GRM5: variants seen among roughly 807,000 people sequenced by gnomAD.
GRM5 encodes glutamate metabotropic receptor 5, also known as metabotropic glutamate receptor 5.
A neutral mutation model predicts 83.1 loss-of-function variants in GRM5; 19 were observed. The observed-to-expected ratio is 0.23, with a 90% CI of 0.16 to 0.34. GRM5 has a LOEUF of 0.34. GRM5 is among the 10% of genes least tolerant of loss of function. The pLI is 1.00. For synonymous variants in GRM5, 675 were observed against 633.6 expected (o/e 1.07, Z -0.98); for missense variants, 1,160 against 1,588.3 (o/e 0.73, Z 4.58).
intron 3 of GRM5, among the ~76,000 whole-genome samples, chr11:88,746,594 C>T (rs1411317246): frequency 6.6e-6 from 1 of 151,776 alleles, no homozygotes; most frequent in Non-Finnish European, 1.5e-5. Flanking sequence ...TAAGCTTAAG[C>T]CAACATCTTT....
At chr11:88,705,419 T>A (rs1941132187) in intron 3 of GRM5, among the ~76,000 whole-genome samples, 2 of 152,092 alleles carry the variant, frequency 1.3e-5, no homozygotes, top group Non-Finnish European at 2.9e-5. Flanking sequence ...CAGTCACCTC[T>A]AAATGTATCT....
rs570250569 is a variant in GRM5, at chr11:88,745,254, G to A, written c.912-91851C>T. ...TCTGTTCTATCACCCAGGCTGGAGTGCAGTGGTACAATCACAGCTCACTGC... is the reference window on the plus strand; with the variant it reads ...TCTGTTCTATCACCCAGGCTGGAGTACAGTGGTACAATCACAGCTCACTGC... On this transcript the variant is annotated intron_variant, in intron 3 of 9. Transcript: ENST00000305447. Among the ~76,000 whole-genome samples the A allele has an allele frequency of 6.9e-5, 10 of 145,484 alleles. No homozygotes were observed. The East Asian group carries it at 2.0e-3, about 30-fold the overall frequency.
chr11:88,525,083 C>T (rs1941833377), intron 9 of GRM5, among the ~76,000 whole-genome samples: 1 of 152,192 alleles, frequency 6.6e-6, no homozygotes. Context: ...GCAAAGCGCA[C>T]AACCCTGGGA....
rs571103211 is a variant in GRM5, at chr11:88,978,687, T to C, written c.661+68525A>G. Among the ~76,000 whole-genome samples, 6 of 151,982 alleles carry C rather than the reference T, an allele frequency of 3.9e-5. No individual in the cohort carries two copies. The East Asian group carries it at 7.7e-4, about 20-fold the overall frequency. On this transcript the variant is annotated intron_variant, in intron 2 of 9. Coordinates refer to ENST00000305447, the MANE Select transcript of GRM5 (RefSeq NM_001143831.3). ...AAATGTTGAAAATATAAAATGTTGA[T>C]GTTGGAGAGAAAAAAAAAAGCAGCT...
At chr11:89,043,006 C>A (rs1468226554) in intron 2 of GRM5, among the ~76,000 whole-genome samples, 1 of 152,078 alleles carries the variant, frequency 6.6e-6, no homozygotes, top group African/African-American at 2.4e-5. Flanking sequence ...ATTCAAGAAC[C>A]AGTGAAAACA....
chr11:88,714,577 T>C (rs191867431), intron 3 of GRM5, among the ~76,000 whole-genome samples: 1 of 152,084 alleles, frequency 6.6e-6, no homozygotes, highest in African/African-American at 2.4e-5. Flanking sequence ...CTATAATCTC[T>C]TCTTTGAGAT....
At chr11:88,612,430 A>C (rs1180279761) in intron 4 of GRM5, among the ~76,000 whole-genome samples, 1 of 151,790 alleles carries the variant, frequency 6.6e-6, no homozygotes. Context: ...ATAAACATAC[A>C]TGTGCATGTG....
rs1489819817 is a variant in GRM5, at chr11:89,065,960, A to G, written c.-385T>C. 1 of 152,068 alleles carries G rather than the reference A, an allele frequency of 6.6e-6. No homozygotes were observed. The highest frequency in any genetic ancestry group is 2.4e-5 in the African/African-American group (1 of 41,424). 9.4% of individuals were successfully genotyped at this position (152,068 alleles called of 1,614,324 possible). A position where few individuals can be genotyped will look rare whatever the true frequency, so the allele number is the denominator to read the frequency against. ...GCTCTCTCGCGCCAGCGCCGGGAGC[A>G]CGTGCCGCGCTCGGGCAGACGCAGC... is the stretch of plus-strand genomic sequence containing the variant. On this transcript the variant is annotated 5_prime_UTR_variant, in exon 1 of 10. Coordinates refer to ENST00000305447, the MANE Select transcript of GRM5 (RefSeq NM_001143831.3).
At chr11:88,864,755 G>A (rs1392590233) in intron 2 of GRM5, among the ~76,000 whole-genome samples, 4 of 151,974 alleles carry the variant, frequency 2.6e-5, no homozygotes, top group African/African-American at 9.7e-5. Flanking sequence ...GATTTCAAAT[G>A]GAATGTTGCC....
chr11:88,640,013 G>A (rs561169673), intron 4 of GRM5, among the ~76,000 whole-genome samples: 5 of 152,206 alleles, frequency 3.3e-5, no homozygotes, highest in African/African-American at 1.2e-4. Flanking sequence ...TAAGAAATGT[G>A]TAAAATTATT....
intron 3 of GRM5, among the ~76,000 whole-genome samples, chr11:88,656,121 G>A (rs557382457): frequency 6.0e-4 from 30 of 49,612 alleles, no homozygotes; most frequent in African/African-American, 2.0e-3. Flanking sequence ...CTTTGATAGA[G>A]TGGACCTTCA....
chr11:88,970,202 T>G (rs1247568831), intron 2 of GRM5, among the ~76,000 whole-genome samples: 2 of 152,086 alleles, frequency 1.3e-5, no homozygotes, highest in Non-Finnish European at 2.9e-5. Context: ...AACAAATAGA[T>G]CATAGGAGGT....
At chr11:88,752,426 C>T (rs1942298210) in intron 3 of GRM5, among the ~76,000 whole-genome samples, 1 of 152,092 alleles carries the variant, frequency 6.6e-6, no homozygotes, top group African/African-American at 2.4e-5. Context: ...AGGAGAACTA[C>T]AAAACACTGC....
chr11:88,751,396 C>G (rs1299329695), intron 3 of GRM5, among the ~76,000 whole-genome samples: 1 of 152,094 alleles, frequency 6.6e-6, no homozygotes, highest in Non-Finnish European at 1.5e-5. Flanking sequence ...CCTCTCAAGA[C>G]TGAACCGGGG....
chr11:88,614,505 T>G (rs563069289), intron 4 of GRM5, among the ~76,000 whole-genome samples: 6 of 152,248 alleles, frequency 3.9e-5, no homozygotes, highest in Non-Finnish European at 7.4e-5. Flanking sequence ...AGTCACTATT[T>G]AGCTTTTTTT....
chr11:88,807,069 T>G (rs147641863), intron 3 of GRM5, among the ~76,000 whole-genome samples: 99 of 152,312 alleles, frequency 6.5e-4, no homozygotes, highest in African/African-American at 2.2e-3. Flanking sequence ...GTACAAATTA[T>G]CTGTTGACAT....
At chr11:88,911,522 C>T (rs1945498986) in intron 2 of GRM5, among the ~76,000 whole-genome samples, 2 of 152,130 alleles carry the variant, frequency 1.3e-5, no homozygotes, top group African/African-American at 4.8e-5. Flanking sequence ...ACCTTTCTAT[C>T]CATATGATGG....
At chr11:88,751,617 C>T (rs2135428041) in intron 3 of GRM5, among the ~76,000 whole-genome samples, 1 of 152,270 alleles carries the variant, frequency 6.6e-6, no homozygotes, top group African/African-American at 2.4e-5. Flanking sequence ...AGGCCAGCAT[C>T]ATCCTGACAC....
intron 8 of GRM5, among the ~76,000 whole-genome samples, chr11:88,546,138 C>T (rs1293082818): frequency 6.6e-6 from 1 of 152,002 alleles, no homozygotes; most frequent in Non-Finnish European, 1.5e-5. Flanking sequence ...CTTCATTCTT[C>T]CTTCTCTTTA....
Sources: gnomAD v4.1 joint callset for allele counts (sites outside exome capture counted in the v4.1 genomes callset) on GRCh38, gnomAD v4.1.1 for gene constraint, MANE v1.5 for transcripts, NCBI Gene and HGNC (gene_info 2026-07-23, HGNC 2026-07-21) for gene names.